The following TFPI variants were observed in gnomAD, a reference collection of about 807,000 sequenced individuals.
The protein encoded by TFPI is tissue factor pathway inhibitor, also known as anti-convertin.
In TFPI, 15 loss-of-function variants were observed where a neutral mutation model predicts 34.6. That is an observed-to-expected ratio of 0.43 (90% confidence interval 0.29 to 0.67). The LOEUF (loss-of-function observed/expected upper bound fraction) is 0.67, where lower values mean the gene tolerates loss of function less well. Among genes scored for constraint, TFPI ranks in the 30% least tolerant of loss-of-function variants. The pLI is 0.15. For missense variants in TFPI, 301 were observed against 364.0 expected (o/e 0.83, Z 1.41); for synonymous variants, 105 against 120.1 (o/e 0.87, Z 0.82).
At chr2:187,476,292 A>C (rs1692373211) in intron 6 of TFPI, among the ~76,000 whole-genome samples, 1 of 151,982 alleles carries the variant, frequency 6.6e-6, no homozygotes, top group South Asian at 2.1e-4. Context: ...TGGAAACCCC[A>C]CTCCACTGTG....
chr2:187,477,156 C>T lies in TFPI; in HGVS notation c.628+6968G>A, dbSNP rs8176537. On this transcript the variant is annotated intron_variant, in intron 6 of 7. Coordinates refer to ENST00000233156, the MANE Select transcript of TFPI (RefSeq NM_006287.6). Reference sequence around the variant, plus strand: ...GGAAGAAAGGGATTAGAAAAGTAGACAGTGGTCATCTAGGGTGACTGCATT... The same window carrying T: ...GGAAGAAAGGGATTAGAAAAGTAGATAGTGGTCATCTAGGGTGACTGCATT... Among the ~76,000 whole-genome samples, 919 of 152,264 alleles carry T rather than the reference C, an allele frequency of 6.0e-3. 9 individuals carry two copies. Among genetic ancestry groups the T allele is most frequent in the African/African-American group, 0.021 (882 of 41,564 alleles).
chr2:187,546,634 AC>A (rs1688881354), intron 1 of TFPI: 1 of 152,212 alleles, frequency 6.6e-6, no homozygotes, highest in Non-Finnish European at 1.5e-5. Flanking sequence ...TATTATAATT[AC>A]CATACATATT....
rs1574447656 is a variant in TFPI at position 187,504,807 on chromosome 2, C to T, written c.-2-1037G>A. The stretch of plus-strand genomic sequence containing the variant: ...GGACAGATACTCCATCAAAAACAAT[C>T]TAGAGAATTATCTGGTTTTGTCTGT... On this transcript the variant is annotated intron_variant, in intron 1 of 7. Transcript: ENST00000233156. Among the ~76,000 whole-genome samples, 4 of 152,136 alleles carry T rather than the reference C, an allele frequency of 2.6e-5. 1 individual carries two copies. The South Asian group carries it at 8.3e-4, about 32-fold the overall frequency.
intron 4 of TFPI, among the ~76,000 whole-genome samples, chr2:187,486,575 G>A (rs187451512): frequency 6.6e-6 from 1 of 151,524 alleles, no homozygotes; most frequent in East Asian, 1.9e-4. Flanking sequence ...AACTACATTG[G>A]GAAACATGAA....
At chr2:187,477,111 T>G (rs1692427205) in intron 6 of TFPI, among the ~76,000 whole-genome samples, 1 of 152,172 alleles carries the variant, frequency 6.6e-6, no homozygotes, top group South Asian at 2.1e-4. Context: ...TTATCTTGTG[T>G]TAAGACTAAA....
At chr2:187,490,328 AG>A (rs1411147142) in intron 3 of TFPI, among the ~76,000 whole-genome samples, 4 of 151,620 alleles carry the variant, frequency 2.6e-5, no homozygotes, top group Admixed American at 1.3e-4. Flanking sequence ...TACTGAAAAA[AG>A]GTGTCTTGAA....
chr2:187,504,056 T>A (rs1686032482), intron 1 of TFPI, among the ~76,000 whole-genome samples: 3 of 152,106 alleles, frequency 2.0e-5, no homozygotes. Context: ...TTGAGAGACA[T>A]GGGTAAACGC....
At chr2:187,524,023 C>G (rs1296109213) in intron 1 of TFPI, among the ~76,000 whole-genome samples, 1 of 152,068 alleles carries the variant, frequency 6.6e-6, no homozygotes, top group African/African-American at 2.4e-5. Flanking sequence ...CCTACTATGT[C>G]TGGCTTCTTT....
intron 1 of TFPI, among the ~76,000 whole-genome samples, chr2:187,538,767 C>A (rs903281696): frequency 6.6e-5 from 10 of 152,102 alleles, no homozygotes; most frequent in African/African-American, 2.4e-4. Context: ...AACTGACTTG[C>A]ATAACCTTAT....
At chr2:187,478,309 G>A (rs1187444101) in intron 6 of TFPI, among the ~76,000 whole-genome samples, 1 of 152,080 alleles carries the variant, frequency 6.6e-6, no homozygotes, top group African/African-American at 2.4e-5. Flanking sequence ...GCAGTGAGCC[G>A]AGATCGCGCC....
At chr2:187,521,576 T>G (rs1687374134) in intron 1 of TFPI, among the ~76,000 whole-genome samples, 1 of 152,088 alleles carries the variant, frequency 6.6e-6, no homozygotes, top group Non-Finnish European at 1.5e-5. Flanking sequence ...GCATTTCAAT[T>G]TCTTTTTTTT....
At chr2:187,512,342 A>C (rs1686700878) in intron 1 of TFPI, among the ~76,000 whole-genome samples, 1 of 151,780 alleles carries the variant, frequency 6.6e-6, no homozygotes, top group Non-Finnish European at 1.5e-5. Context: ...GTATAAGGGT[A>C]TTCTGTTAGA....
chr2:187,538,244 C>G (rs1230211986), intron 1 of TFPI, among the ~76,000 whole-genome samples: 3 of 152,118 alleles, frequency 2.0e-5, no homozygotes, highest in Non-Finnish European at 4.4e-5. Context: ...GGTATACACC[C>G]AAAGGATTAT....
chr2:187,539,273 C>T (rs984243472), intron 1 of TFPI, among the ~76,000 whole-genome samples: 3 of 151,584 alleles, frequency 2.0e-5, no homozygotes, highest in Non-Finnish European at 4.4e-5. Context: ...CTAGGTGTGC[C>T]CTTGTACACT....
At chr2:187,468,235 G>A (rs776986138) in intron 6 of TFPI, among the ~76,000 whole-genome samples, 1 of 149,622 alleles carries the variant, frequency 6.7e-6, no homozygotes, top group Non-Finnish European at 1.5e-5. Flanking sequence ...CTTCAACAAT[G>A]TAACTGCTGA....
chr2:187,532,452 T>C (rs920482283), intron 1 of TFPI, among the ~76,000 whole-genome samples: 2 of 152,204 alleles, frequency 1.3e-5, no homozygotes, highest in Non-Finnish European at 2.9e-5. Context: ...GGGTGCTGCG[T>C]TGCCTCACCT....
At chr2:187,477,121 A>C (rs989683021) in intron 6 of TFPI, among the ~76,000 whole-genome samples, 1 of 152,236 alleles carries the variant, frequency 6.6e-6, no homozygotes, top group East Asian at 1.9e-4. Context: ...TTAAGACTAA[A>C]GATGGTCCAG....
At chr2:187,467,477 G>T (rs1691780944) in intron 7 of TFPI, among the ~76,000 whole-genome samples, 1 of 151,834 alleles carries the variant, frequency 6.6e-6, no homozygotes, top group Admixed American at 6.6e-5. Flanking sequence ...AAACAATTTT[G>T]GTATAGTCTT....
intron 1 of TFPI, among the ~76,000 whole-genome samples, chr2:187,531,983 GTTCTA>G (rs1687981703): frequency 6.6e-6 from 1 of 151,742 alleles, no homozygotes. Context: ...TTAACTAACT[GTTCTA>G]TTCTTTTAGT....
Sources: gnomAD v4.1 joint callset for allele counts (sites outside exome capture counted in the v4.1 genomes callset) on GRCh38, gnomAD v4.1.1 for gene constraint, MANE v1.5 for transcripts, NCBI Gene and HGNC (gene_info 2026-07-23, HGNC 2026-07-21) for gene names.